The following PDHA2 variants were observed in gnomAD, a reference collection of about 807,000 sequenced individuals.
PDHA2 encodes pyruvate dehydrogenase E1 component subunit alpha, testis-specific form, mitochondrial.
For synonymous variants in PDHA2, 188 were observed against 185.9 expected (o/e 1.01, Z -0.09); for missense variants, 533 against 495.8 (o/e 1.07, Z -0.71).
chr4:95,841,136 C>A lies in PDHA2; in HGVS notation c.986C>A (p.Thr329Asn). 6.2e-7 allele frequency: 1 copy of A among 1,614,114 alleles called. No individual in the cohort carries two copies. The highest frequency in any genetic ancestry group is 8.5e-7 in the Non-Finnish European group (1 of 1,180,016). ...AGAATGGTAAACAGCAAGCTCGCCA[C>A]TGTGGAAGAATTAAAGGAAATTGGG... ...QDRMVNSKLA[T>N]VEELKEIGAE... The change falls in exon 1 of 1, where the codon ACT becomes AAT. Residue 329 changes from threonine to asparagine, a missense_variant. Transcript: ENST00000295266.
At position 95,841,171 on chromosome 4, in the gene PDHA2, A is replaced by T. The variant is rs1196467490; in HGVS notation, c.1021A>T (p.Arg341Trp). ...EELKEIGAEVRKEIDDAAQFA... is the reference protein window; with the variant it reads ...EELKEIGAEVWKEIDDAAQFA... ...ATTAAAGGAAATTGGGGCTGAGGTG[A>T]GGAAAGAAATTGATGATGCTGCCCA... Residue 341 changes from arginine to tryptophan, a missense_variant, in exon 1 of 1, where the codon AGG becomes TGG. By Grantham distance (101) the Arg-to-Trp change is moderately radical. Transcript: ENST00000295266. 2 of 1,614,034 alleles carry T rather than the reference A, an allele frequency of 1.2e-6. No individual in the cohort carries two copies. The highest frequency in any genetic ancestry group is 1.7e-6 in the Non-Finnish European group (2 of 1,179,992).
rs1376256859 is a variant in PDHA2, at chr4:95,840,227, G to T, written c.77G>T (p.Arg26Leu). ...KSARRVLVASRNSSNDATFEI... is the reference protein window; with the variant it reads ...KSARRVLVASLNSSNDATFEI... ...GCTCGCAGAGTGCTGGTGGCATCCC[G>T]TAACTCCTCAAATGACGCTACATTT... The change falls in exon 1 of 1, where the codon CGT becomes CTT. Residue 26 changes from arginine to leucine, a missense_variant. Coordinates refer to ENST00000295266, the MANE Select transcript of PDHA2 (RefSeq NM_005390.5). The T allele has an allele frequency of 2.5e-5, 40 of 1,614,080 alleles. No homozygotes were observed. Among genetic ancestry groups the T allele is most frequent in the Admixed American group, 1.2e-4 (7 of 60,006 alleles).
chr4:95,840,940 A>T lies in PDHA2; in HGVS notation c.790A>T (p.Thr264Ser). The T allele has an allele frequency of 1.9e-6, 3 of 1,614,134 alleles. No homozygotes were observed. Among genetic ancestry groups the T allele is most frequent in the Non-Finnish European group, 2.5e-6 (3 of 1,180,026 alleles). ...GGATGTTCTGTGTGTTCGTGAGGCA[A>T]CAAAATTTGCAGCTAACTACTGTAG... ...GMDVLCVREA[T>S]KFAANYCRSG... is the part of the protein sequence containing the mutation. Residue 264 changes from threonine (T) to serine (S), a missense_variant, in exon 1 of 1, where the codon ACA (threonine) becomes TCA (serine). Thr to Ser is a moderately conservative substitution (Grantham distance 58). Coordinates refer to ENST00000295266, the MANE Select transcript of PDHA2 (RefSeq NM_005390.5).
Position 95,840,804 on chromosome 4 carries a change from C to T in PDHA2, c.654C>T (p.Phe218=), listed in dbSNP as rs1484321537. Residue 218 remains phenylalanine, a synonymous_variant, in exon 1 of 1, where the codon TTC becomes TTT. Coordinates refer to ENST00000295266, the MANE Select transcript of PDHA2 (RefSeq NM_005390.5). ...MAALWKLPCV[F]ICENNLYGMG... ...CTTTATGGAAATTACCTTGTGTTTT[C>T]ATCTGTGAGAATAACCTATATGGAA... 1 of 1,614,144 alleles carries T rather than the reference C, an allele frequency of 6.2e-7. No homozygotes were observed. The highest frequency in any genetic ancestry group is 8.5e-7 in the Non-Finnish European group (1 of 1,180,024).
Position 95,840,632 on chromosome 4 carries a change from G to A in PDHA2, c.482G>A (p.Gly161Asp). 1 of 1,614,186 alleles carries A rather than the reference G, an allele frequency of 6.2e-7. No homozygotes were observed. The highest frequency in any genetic ancestry group is 8.5e-7 in the Non-Finnish European group (1 of 1,180,034). The change falls in exon 1 of 1, where the codon GGC becomes GAC. Residue 161 changes from glycine (G) to aspartate (D), a missense_variant. Coordinates refer to ENST00000295266, the MANE Select transcript of PDHA2 (RefSeq NM_005390.5). ...ATGTATACCAAGAACTTCTATGGGG[G>A]CAATGGCATCGTCGGTGCACAGGGC... ...MHMYTKNFYG[G>D]NGIVGAQGPL...
At position 95,840,129 on chromosome 4, in the gene PDHA2, T is replaced by A. The variant is rs1396925726; in HGVS notation, c.-22T>A. The A allele has an allele frequency of 1.3e-6, 2 of 1,583,168 alleles. No homozygotes were observed. The highest frequency in any genetic ancestry group is 2.7e-5 in the African/African-American group (2 of 74,474). On this transcript the variant is annotated 5_prime_UTR_variant, in exon 1 of 1. Transcript: ENST00000295266. ...CGGTCGTTACGGGACGCCGCTGCCA[T>A]CTACAGCACTCCGTGAAGAATATGC... is the stretch of plus-strand genomic sequence containing the variant.
In PDHA2 at chr4:95,840,450, G is replaced by A; in HGVS notation, c.300G>A (p.Val100=). The change falls in exon 1 of 1, where the codon GTG becomes GTA. Residue 100 remains valine (V), a synonymous_variant. Transcript: ENST00000295266. ...GCGATGGTCAGGAAGCTTGTTGCGT[G>A]GGCCTTGAGGCCGGCATAAACCCCT... ...HLCDGQEACC[V]GLEAGINPSD... is the part of the protein sequence containing the mutation. 1 of 1,614,194 alleles carries A rather than the reference G, an allele frequency of 6.2e-7. No individual in the cohort carries two copies. Among genetic ancestry groups the A allele is most frequent in the African/African-American group, 1.3e-5 (1 of 75,052 alleles).
Position 95,840,223 on chromosome 4 carries a change from TCCCGTAACTCC to T in PDHA2, c.74_84del (p.Ser25PhefsTer3). The T allele has an allele frequency of 6.2e-7, 1 of 1,614,222 alleles. No homozygotes were observed. The highest frequency in any genetic ancestry group is 8.5e-7 in the Non-Finnish European group (1 of 1,180,046). On this transcript the variant is annotated frameshift_variant, in exon 1 of 1. Transcript: ENST00000295266. LOFTEE classifies it low-confidence loss of function (END_TRUNC). ...ATCAGCTCGCAGAGTGCTGGTGGCA[TCCCGTAACTCC>T]TCAAATGACGCTACATTTGAAATTA...
Position 95,840,301 on chromosome 4 carries a change from ACT to A in PDHA2, c.152_153del (p.Thr51AsnfsTer5). On this transcript the variant is annotated frameshift_variant, in exon 1 of 1. Transcript: ENST00000295266. LOFTEE classifies it low-confidence loss of function (END_TRUNC). ...LYLLEEGPPV[T>X]TVLTRAEGLK... is the part of the protein sequence containing the mutation. ...TCTGTTGGAAGAGGGTCCCCCTGTC[ACT>A]ACAGTGCTCACTAGGGCGGAGGGGC... 1.2e-6 allele frequency: 2 copies of A among 1,614,246 alleles called. No homozygotes were observed. The highest frequency in any genetic ancestry group is 1.7e-6 in the Non-Finnish European group (2 of 1,180,048).
In PDHA2 at chr4:95,840,444, T is replaced by C; in HGVS notation, c.294T>C (p.Cys98=). The C allele has an allele frequency of 6.2e-7, 1 of 1,614,220 alleles. No individual in the cohort carries two copies. The highest frequency in any genetic ancestry group is 8.5e-7 in the Non-Finnish European group (1 of 1,180,044). ...ACCTGTGCGATGGTCAGGAAGCTTG[T>C]TGCGTGGGCCTTGAGGCCGGCATAA... ...FCHLCDGQEA[C]CVGLEAGINP... is the part of the protein sequence containing the mutation. The change falls in exon 1 of 1, where the codon TGT becomes TGC. Residue 98 remains cysteine (C), a synonymous_variant. Coordinates refer to ENST00000295266, the MANE Select transcript of PDHA2 (RefSeq NM_005390.5).
Position 95,841,307 on chromosome 4 carries a change from C to A in PDHA2, c.1157C>A (p.Ser386Tyr). 2 of 1,613,126 alleles carry A rather than the reference C, an allele frequency of 1.2e-6. No individual in the cohort carries two copies. The highest frequency in any genetic ancestry group is 1.7e-6 in the Non-Finnish European group (2 of 1,179,156). The change falls in exon 1 of 1, where the codon TCC becomes TAC. Residue 386 changes from serine to tyrosine, a missense_variant. Transcript: ENST00000295266. ...RGANPWIKFK[S>Y]VS ...GCAAATCCATGGATCAAGTTTAAGT[C>A]CGTCAGTTAAAGGGAGGCTACGTGT... is the stretch of plus-strand genomic sequence containing the variant.
At position 95,840,521 on chromosome 4, in the gene PDHA2, C is replaced by G. The variant is rs764918040; in HGVS notation, c.371C>G (p.Thr124Ser). ...TSYRAHGVCY[T>S]RGLSVRSILA... ...TATAGGGCTCATGGTGTGTGCTATA[C>G]TCGGGGACTTTCTGTCCGATCCATT... The change falls in exon 1 of 1, where the codon ACT (threonine) becomes AGT (serine). Residue 124 changes from threonine to serine, a missense_variant. Thr to Ser is a moderately conservative substitution (Grantham distance 58). Coordinates refer to ENST00000295266, the MANE Select transcript of PDHA2 (RefSeq NM_005390.5). 1 of 1,614,030 alleles carries G rather than the reference C, an allele frequency of 6.2e-7. No individual in the cohort carries two copies. Among genetic ancestry groups the G allele is most frequent in the African/African-American group, 1.3e-5 (1 of 74,914 alleles).
rs143281239 is a variant in PDHA2 at position 95,840,243 on chromosome 4, C to A, written c.93C>A (p.Asp31Glu). 1 of 1,613,962 alleles carries A rather than the reference C, an allele frequency of 6.2e-7. No homozygotes were observed. Among genetic ancestry groups the A allele is most frequent in the Non-Finnish European group, 8.5e-7 (1 of 1,179,842 alleles). The change falls in exon 1 of 1, where the codon GAC (aspartate) becomes GAA (glutamate). Residue 31 changes from aspartate (D) to glutamate (E), a missense_variant. Physicochemically the swap from Asp to Glu is conservative, Grantham distance 45. Transcript: ENST00000295266. Reference protein sequence around the residue: ...VLVASRNSSNDATFEIKKCDL... With the variant: ...VLVASRNSSNEATFEIKKCDL... ...TGGCATCCCGTAACTCCTCAAATGA[C>A]GCTACATTTGAAATTAAGAAATGTG...
At position 95,840,208 on chromosome 4, in the gene PDHA2, A is replaced by C; in HGVS notation, c.58A>C (p.Arg20=). ...GCGAGTTGCCCAGAAATCAGCTCGC[A>C]GAGTGCTGGTGGCATCCCGTAACTC... ...LRRVAQKSAR[R]VLVASRNSSN... The change falls in exon 1 of 1, where the codon AGA becomes CGA. Residue 20 remains arginine (R), a synonymous_variant. Transcript: ENST00000295266. The C allele has an allele frequency of 1.9e-6, 3 of 1,614,178 alleles. No individual in the cohort carries two copies. Among genetic ancestry groups the C allele is most frequent in the African/African-American group, 2.7e-5 (2 of 75,084 alleles).
Position 95,840,647 on chromosome 4 carries a change from GT to G in PDHA2, c.498del (p.Ala167HisfsTer23). On this transcript the variant is annotated frameshift_variant, in exon 1 of 1. Transcript: ENST00000295266. LOFTEE classifies it low-confidence loss of function (END_TRUNC). ...TTCTATGGGGGCAATGGCATCGTCG[GT>G]GCACAGGGCCCCCTGGGCGCTGGCA... is the stretch of plus-strand genomic sequence containing the variant. ...KNFYGGNGIVGAQGPLGAGIA... is the reference protein window; with the variant it reads ...KNFYGGNGIVXAQGPLGAGIA... 2 of 1,614,212 alleles carry G rather than the reference GT, an allele frequency of 1.2e-6. No individual in the cohort carries two copies. The highest frequency in any genetic ancestry group is 1.7e-6 in the Non-Finnish European group (2 of 1,180,032).
chr4:95,840,240 T>C lies in PDHA2; in HGVS notation c.90T>C (p.Asn30=). 6.2e-7 allele frequency: 1 copy of C among 1,614,218 alleles called. No individual in the cohort carries two copies. Among genetic ancestry groups the C allele is most frequent in the Admixed American group, 1.7e-5 (1 of 60,036 alleles). Residue 30 remains asparagine (N), a synonymous_variant, in exon 1 of 1, where the codon AAT becomes AAC. Transcript: ENST00000295266. ...TGGTGGCATCCCGTAACTCCTCAAA[T>C]GACGCTACATTTGAAATTAAGAAAT... is the stretch of plus-strand genomic sequence containing the variant. ...RVLVASRNSS[N]DATFEIKKCD...
Position 95,840,111 on chromosome 4 carries a change from T to C in PDHA2, c.-40T>C. 1 of 1,537,278 alleles carries C rather than the reference T, an allele frequency of 6.5e-7. No homozygotes were observed. The highest frequency in any genetic ancestry group is 8.8e-7 in the Non-Finnish European group (1 of 1,137,822). ...CGAGGCCAGGCCTTCCGGCGGTCGT[T>C]ACGGGACGCCGCTGCCATCTACAGC... is the stretch of plus-strand genomic sequence containing the variant. On this transcript the variant is annotated 5_prime_UTR_variant, in exon 1 of 1. Transcript: ENST00000295266.
chr4:95,840,719 C>A lies in PDHA2; in HGVS notation c.569C>A (p.Thr190Asn). Reference sequence around the variant, plus strand: ...AAAGGAAACGATGAGATCTGTTTGACTTTATATGGGGATGGCGCTGCGAAT... The same window carrying A: ...AAAGGAAACGATGAGATCTGTTTGAATTTATATGGGGATGGCGCTGCGAAT... ...KYKGNDEICLTLYGDGAANQG... is the reference protein window; with the variant it reads ...KYKGNDEICLNLYGDGAANQG... Residue 190 changes from threonine (T) to asparagine (N), a missense_variant, in exon 1 of 1, where the codon ACT becomes AAT. Coordinates refer to ENST00000295266, the MANE Select transcript of PDHA2 (RefSeq NM_005390.5). 1 of 1,614,172 alleles carries A rather than the reference C, an allele frequency of 6.2e-7. No homozygotes were observed. The highest frequency in any genetic ancestry group is 8.5e-7 in the Non-Finnish European group (1 of 1,180,042).
rs1200750451 is a variant in PDHA2 at position 95,840,158 on chromosome 4, C to T, written c.8C>T (p.Ala3Val). The T allele has an allele frequency of 1.9e-6, 3 of 1,607,170 alleles. No individual in the cohort carries two copies. Among genetic ancestry groups the T allele is most frequent in the Admixed American group, 1.7e-5 (1 of 59,766 alleles). The change falls in exon 1 of 1, where the codon GCC (alanine) becomes GTC (valine). Residue 3 changes from alanine to valine, a missense_variant. Ala to Val is a moderately conservative substitution (Grantham distance 64). Coordinates refer to ENST00000295266, the MANE Select transcript of PDHA2 (RefSeq NM_005390.5). Reference sequence around the variant, plus strand: ...CAGCACTCCGTGAAGAATATGCTGGCCGCCTTCATCTCCCGCGTGTTGAGG... The same window carrying T: ...CAGCACTCCGTGAAGAATATGCTGGTCGCCTTCATCTCCCGCGTGTTGAGG... ML[A>V]AFISRVLRRV...
Sources: allele counts gnomAD v4.1 joint callset, GRCh38; gene constraint gnomAD v4.1.1; transcripts MANE v1.5; gene names NCBI Gene and HGNC (gene_info 2026-07-23, HGNC 2026-07-21).